Variants in FAM180A observed in about 807,000 individuals in gnomAD.
The protein encoded by FAM180A is family with sequence similarity 180 member A.
FAM180A carries 14 observed loss-of-function variants against 15.3 expected under a neutral mutation model. That is an observed-to-expected ratio of 0.92 (90% CI 0.61 to 1.43). The LOEUF (loss-of-function observed/expected upper bound fraction) is 1.43. Among genes scored for constraint, FAM180A ranks in the 40% most tolerant of loss-of-function variants. FAM180A has a pLI of 0.00. For missense variants in FAM180A, 200 were observed against 220.8 expected (o/e 0.91, Z 0.60); for synonymous variants, 90 against 96.8 (o/e 0.93, Z 0.41).
chr7:135,738,438 C>G (rs1796901958), intron 1 of FAM180A, among the ~76,000 whole-genome samples: 1 of 152,202 alleles, frequency 6.6e-6, no homozygotes, highest in Non-Finnish European at 1.5e-5. Context: ...AAGTGATCTG[C>G]CTGCCTCAGC....
At chr7:135,745,809 A>C (rs1797025145) in intron 1 of FAM180A, among the ~76,000 whole-genome samples, 1 of 152,060 alleles carries the variant, frequency 6.6e-6, no homozygotes, top group Non-Finnish European at 1.5e-5. Context: ...GTGGAAGAGG[A>C]AAAGCTCTGG....
In FAM180A at chr7:135,730,164, C is replaced by A; in HGVS notation, c.*447G>T. On this transcript the variant is annotated 3_prime_UTR_variant, in exon 4 of 4. Transcript: ENST00000338588. ...TGAGGTGACAGAGCAATGAAGTCTG[C>A]AGCAGTTAAATGTCTGTTGATGTCT... The A allele has an allele frequency of 1.0e-6, 1 of 985,354 alleles. No individual in the cohort carries two copies. Among genetic ancestry groups the A allele is most frequent in the African/African-American group, 1.7e-5 (1 of 57,318 alleles). The allele number at this position is 985,354 out of a possible 1,614,324, so 61.0% of individuals were successfully genotyped here.
intron 1 of FAM180A, among the ~76,000 whole-genome samples, chr7:135,746,491 A>C (rs993549764): frequency 6.6e-6 from 1 of 152,218 alleles, no homozygotes; most frequent in African/African-American, 2.4e-5. Context: ...TCACATTGCC[A>C]AATAGAGATG....
At chr7:135,735,195 C>T (rs1563178768) in intron 2 of FAM180A, among the ~76,000 whole-genome samples, 1 of 152,202 alleles carries the variant, frequency 6.6e-6, no homozygotes, top group Non-Finnish European at 1.5e-5. Context: ...TGAGCCACTA[C>T]CCCGAGCCAA....
intron 3 of FAM180A, among the ~76,000 whole-genome samples, chr7:135,731,224 T>A (rs145132911): frequency 6.6e-6 from 1 of 152,200 alleles, no homozygotes; most frequent in Non-Finnish European, 1.5e-5. Flanking sequence ...ACTATCAGGG[T>A]ATTGCACAGT....
At chr7:135,741,529 AAAT>A (rs199962107) in intron 1 of FAM180A, among the ~76,000 whole-genome samples, 19 of 152,026 alleles carry the variant, frequency 1.2e-4, no homozygotes, top group African/African-American at 3.9e-4. Context: ...AAAAAAAAAA[AAAT>A]GTAAGTGTGT....
At chr7:135,735,676 C>T (rs1457726345) in intron 2 of FAM180A, among the ~76,000 whole-genome samples, 1 of 152,192 alleles carries the variant, frequency 6.6e-6, no homozygotes, top group Non-Finnish European at 1.5e-5. Flanking sequence ...CCTGGCTTAA[C>T]TGCATGGCTA....
intron 3 of FAM180A, among the ~76,000 whole-genome samples, 178 bp from the exon 4 acceptor site, chr7:135,730,459 G>A (rs530652689): frequency 2.3e-4 from 35 of 152,270 alleles, no homozygotes; most frequent in Admixed American, 1.6e-3. Context: ...TGGGAGAATC[G>A]TTTGAACACT....
In FAM180A at chr7:135,736,012, C is replaced by T. The variant is rs887197121; in HGVS notation, c.177+1087G>A. On this transcript the variant is annotated intron_variant, in intron 2 of 3. Transcript: ENST00000338588. ...GCCGCCGCACCTGGCCTGGCTGTCT[C>T]TTTCTTTTCTTTTTTTTTTTTTCTT... Among the ~76,000 whole-genome samples the T allele has an allele frequency of 1.0e-4, 15 of 149,798 alleles. No individual in the cohort carries two copies. The East Asian group carries it at 2.6e-3, about 26-fold the overall frequency.
intron 1 of FAM180A, among the ~76,000 whole-genome samples, chr7:135,739,670 C>G (rs915167179): frequency 4.4e-5 from 5 of 114,828 alleles, no homozygotes; most frequent in African/African-American, 1.9e-4. Flanking sequence ...GGATTGCCAT[C>G]AGAAGTGATT....
chr7:135,735,311 A>G (rs140355299), intron 2 of FAM180A, among the ~76,000 whole-genome samples: 1 of 152,266 alleles, frequency 6.6e-6, no homozygotes, highest in East Asian at 1.9e-4. Context: ...GTTTCTTTAT[A>G]TTTACTATAG....
chr7:135,731,273 T>A (rs1279151760), intron 3 of FAM180A, among the ~76,000 whole-genome samples: 2 of 152,148 alleles, frequency 1.3e-5, no homozygotes, highest in Non-Finnish European at 2.9e-5. Flanking sequence ...ACTCCCCATC[T>A]GACATCTAGG....
chr7:135,748,415 G>A (rs1797061601), intron 1 of FAM180A, 90 bp downstream of exon 1: 2 of 955,674 alleles, frequency 2.1e-6, no homozygotes, highest in Non-Finnish European at 3.4e-6. Flanking sequence ...GAGAGTGCGG[G>A]GCTTCTAATG....
In FAM180A at chr7:135,733,713, G is replaced by T; in HGVS notation, c.*262C>A. On this transcript the variant is annotated 3_prime_UTR_variant, in exon 3 of 4. Coordinates refer to ENST00000338588, the MANE Select transcript of FAM180A (RefSeq NM_205855.4). Reference sequence around the variant, plus strand: ...GCATATCAGAATTCTGCCTGCCATAGGCAAACCATTCTGCCCATGGAGGCG... The same window carrying T: ...GCATATCAGAATTCTGCCTGCCATATGCAAACCATTCTGCCCATGGAGGCG... 7.8e-7 allele frequency: 1 copy of T among 1,281,632 alleles called. No homozygotes were observed. The highest frequency in any genetic ancestry group is 9.8e-7 in the Non-Finnish European group (1 of 1,016,256). 79.4% of individuals were successfully genotyped at this position (1,281,632 alleles called of 1,614,324 possible).
At chr7:135,744,794 C>G (rs1797006240) in intron 1 of FAM180A, among the ~76,000 whole-genome samples, 1 of 152,196 alleles carries the variant, frequency 6.6e-6, no homozygotes, top group Non-Finnish European at 1.5e-5. Context: ...CCTCACTCTC[C>G]AATTTTCTAA....
At chr7:135,739,742 AG>A (rs945162563) in intron 1 of FAM180A, among the ~76,000 whole-genome samples, 3 of 151,738 alleles carry the variant, frequency 2.0e-5, no homozygotes, top group Non-Finnish European at 2.9e-5. Context: ...GCTCACTGGT[AG>A]GAATCTCCCA....
chr7:135,731,119 C>T (rs1796774441), intron 3 of FAM180A, among the ~76,000 whole-genome samples: 1 of 152,088 alleles, frequency 6.6e-6, no homozygotes, highest in Admixed American at 6.6e-5. Flanking sequence ...TCAGGGACTA[C>T]AAGGGTGGGC....
At chr7:135,736,303 A>G (rs111460632) in intron 2 of FAM180A, among the ~76,000 whole-genome samples, 4,409 of 152,276 alleles carry the variant, frequency 0.029, 207 homozygotes, top group African/African-American at 0.097. Context: ...TTACAGGCGT[A>G]AGCCACCGCG....
intron 3 of FAM180A, among the ~76,000 whole-genome samples, chr7:135,732,101 G>A (rs528993675): frequency 2.1e-4 from 32 of 152,300 alleles, no homozygotes; most frequent in Non-Finnish European, 3.4e-4. Context: ...TAACAAACCT[G>A]GCTATCGTAG....
Sources: gnomAD v4.1 joint callset for allele counts (sites outside exome capture counted in the v4.1 genomes callset) on GRCh38, gnomAD v4.1.1 for gene constraint, MANE v1.5 for transcripts, NCBI Gene and HGNC (gene_info 2026-07-23, HGNC 2026-07-21) for gene names.